The following EIF2AK2 variants were observed in gnomAD, a reference collection of about 807,000 sequenced individuals.
EIF2AK2 encodes the protein interferon-induced, double-stranded RNA-activated protein kinase.
In EIF2AK2, 40 loss-of-function variants were observed where a neutral mutation model predicts 70.5. The observed-to-expected ratio is 0.57, with a 90% CI of 0.44 to 0.74. EIF2AK2 has a LOEUF of 0.74. EIF2AK2 is among the 30% of genes least tolerant of loss of function. The pLI is 0.00. For missense variants in EIF2AK2, 555 were observed against 644.3 expected (o/e 0.86, Z 1.50); for synonymous variants, 198 against 220.9 (o/e 0.90, Z 0.92).
At chr2:37,135,348 A>G (rs1675089905) in intron 10 of EIF2AK2, 136 bp downstream of exon 10, 1 of 699,396 alleles carries the variant, frequency 1.4e-6, no homozygotes, top group Admixed American at 2.5e-5. Context: ...GCCTAAGACT[A>G]TTGTTCTTAC....
chr2:37,119,265 A>G (rs1309787434), intron 13 of EIF2AK2, among the ~76,000 whole-genome samples: 1 of 152,156 alleles, frequency 6.6e-6, no homozygotes, highest in East Asian at 1.9e-4. Flanking sequence ...GATTACCGCA[A>G]TTTTCCAATC....
chr2:37,141,450 A>G, intron 5 of EIF2AK2, 103 bp downstream of exon 5: 1 of 1,378,992 alleles, frequency 7.3e-7, no homozygotes, highest in Non-Finnish European at 1.0e-6. Context: ...TGCATACAGA[A>G]TGCTTAAAAG....
rs2148658191 is a variant in EIF2AK2, at chr2:37,102,232, C to T, written c.*5041G>A. ...TCTGGCCTGGGTGACAGAGTGAGAT[C>T]CTGTCTCTTAAAAAAAAAATTACAA... On this transcript the variant is annotated 3_prime_UTR_variant, in exon 17 of 17. Transcript: ENST00000233057. 6.6e-6 allele frequency: 1 copy of T among 151,856 alleles called. No homozygotes were observed. The highest frequency in any genetic ancestry group is 2.1e-4 in the South Asian group (1 of 4,814). 9.4% of individuals were successfully genotyped at this position (151,856 alleles called of 1,614,324 possible).
At chr2:37,141,889 G>A (rs993238348) in intron 4 of EIF2AK2, among the ~76,000 whole-genome samples, 188 bp from the exon 5 acceptor site, 95 of 152,074 alleles carry the variant, frequency 6.2e-4, no homozygotes, top group African/African-American at 2.1e-3. Flanking sequence ...AAAAATCGAC[G>A]AAGATAGATT....
At chr2:37,142,020 G>C (rs78918400) in intron 4 of EIF2AK2, among the ~76,000 whole-genome samples, 1 of 152,280 alleles carries the variant, frequency 6.6e-6, no homozygotes, top group African/African-American at 2.4e-5. Flanking sequence ...CAGTAAAGCT[G>C]TATACTGGAT....
intron 12 of EIF2AK2, among the ~76,000 whole-genome samples, chr2:37,122,222 C>G (rs1307833302): frequency 6.6e-6 from 1 of 152,202 alleles, no homozygotes; most frequent in Non-Finnish European, 1.5e-5. Flanking sequence ...GGCACGTGAA[C>G]AAGGCTCTCC....
intron 7 of EIF2AK2, 51 bp from the exon 8 acceptor site, chr2:37,138,414 T>C (rs1168649352): frequency 6.3e-7 from 1 of 1,599,638 alleles, no homozygotes; most frequent in Non-Finnish European, 8.5e-7. Context: ...TTTTATCACT[T>C]ATTTCTTTCC....
At chr2:37,150,081 T>C (rs1675689852) in intron 1 of EIF2AK2, among the ~76,000 whole-genome samples, 1 of 149,448 alleles carries the variant, frequency 6.7e-6, no homozygotes, top group Non-Finnish European at 1.5e-5. Context: ...GGCAAACTTA[T>C]CAACACAAAT....
intron 12 of EIF2AK2, 131 bp downstream of exon 12, chr2:37,122,375 A>G (rs1442223824): frequency 9.8e-7 from 1 of 1,020,222 alleles, no homozygotes; most frequent in East Asian, 2.6e-5. Context: ...GAATGGAGAG[A>G]TAACAGTGTC....
intron 12 of EIF2AK2, 35 bp downstream of exon 12, chr2:37,122,471 T>C: frequency 6.2e-7 from 1 of 1,603,658 alleles, no homozygotes; most frequent in Non-Finnish European, 8.5e-7. Flanking sequence ...TTTCCTTCCA[T>C]CCTATTATGG....
rs1408090721 is a variant in EIF2AK2, at chr2:37,149,041, A to T, written c.-183-18T>A. ...TCCAGAAACTGGTAAAAGAGAAAAA[A>T]GAAGGCTTAAAAAAATGCAACCGCT... On this transcript the variant is annotated intron_variant, in intron 1 of 16. Transcript: ENST00000233057. The T allele has an allele frequency of 1.0e-6, 1 of 985,828 alleles. No homozygotes were observed. The highest frequency in any genetic ancestry group is 1.6e-5 in the African/African-American group (1 of 63,242). 61.1% of individuals were successfully genotyped at this position (985,828 alleles called of 1,614,324 possible). A position where few individuals can be genotyped will look rare whatever the true frequency, so the allele number is the denominator to read the frequency against.
At chr2:37,130,193 C>G (rs1674891008) in intron 10 of EIF2AK2, among the ~76,000 whole-genome samples, 1 of 152,098 alleles carries the variant, frequency 6.6e-6, no homozygotes, top group Admixed American at 6.6e-5. Flanking sequence ...CTCCTGCCTC[C>G]CAGATTCAAG....
At chr2:37,117,484 C>G (rs915330523) in intron 13 of EIF2AK2, among the ~76,000 whole-genome samples, 1 of 152,058 alleles carries the variant, frequency 6.6e-6, no homozygotes, top group African/African-American at 2.4e-5. Flanking sequence ...CTGCAGTGAG[C>G]TGAGATCATA....
intron 11 of EIF2AK2, among the ~76,000 whole-genome samples, chr2:37,125,503 T>C (rs1674698314): frequency 1.3e-5 from 2 of 152,220 alleles, no homozygotes; most frequent in Admixed American, 1.3e-4. Context: ...TTTGGATGAC[T>C]TGTTCTGGGG....
In EIF2AK2 at chr2:37,148,699, T is replaced by C. The variant is rs915633149; in HGVS notation, c.-17+158A>G. ...TTTCTAGGAACAATACAATTTGCTT[T>C]CATCACATAAAAATTTATATTGACA... On this transcript the variant is annotated intron_variant, in intron 2 of 16. Transcript: ENST00000233057. The C allele has an allele frequency of 6.1e-6, 5 of 817,484 alleles. No homozygotes were observed. The African/African-American group carries it at 6.7e-5, about 11-fold the overall frequency. 50.6% of individuals were successfully genotyped at this position (817,484 alleles called of 1,614,324 possible). A position where few individuals can be genotyped will look rare whatever the true frequency, so the allele number is the denominator to read the frequency against.
At position 37,126,222 on chromosome 2, in the gene EIF2AK2, A is replaced by G. The variant is rs977925679; in HGVS notation, c.908+67T>C. Reference sequence around the variant, plus strand: ...ATACCCTAATAAAGAAGAGAGAAGCATAAAAAAGAATAGTGCAGATTCAGC... The same window carrying G: ...ATACCCTAATAAAGAAGAGAGAAGCGTAAAAAAGAATAGTGCAGATTCAGC... On this transcript the variant is annotated intron_variant, in intron 11 of 16. Coordinates refer to ENST00000233057, the MANE Select transcript of EIF2AK2 (RefSeq NM_001135651.3). 5 of 1,484,298 alleles carry G rather than the reference A, an allele frequency of 3.4e-6. No individual in the cohort carries two copies. The South Asian group carries it at 5.8e-5, about 17-fold the overall frequency. The allele number at this position is 1,484,298 out of a possible 1,614,324, so 91.9% of individuals were successfully genotyped here.
chr2:37,138,389 G>C (rs746360910), intron 7 of EIF2AK2, 26 bp from the exon 8 acceptor site: 31 of 1,605,320 alleles, frequency 1.9e-5, no homozygotes, highest in African/African-American at 4.0e-5. Flanking sequence ...GTAACTATTA[G>C]TTTATTAATT....
intron 6 of EIF2AK2, 22 bp from the exon 7 acceptor site, chr2:37,138,607 A>G (rs1455772973): frequency 6.2e-7 from 1 of 1,609,142 alleles, no homozygotes; most frequent in South Asian, 1.1e-5. Context: ...AGTATCCCTT[A>G]GTAGGCTTAA....
intron 14 of EIF2AK2, among the ~76,000 whole-genome samples, chr2:37,111,533 T>C (rs1674146813): frequency 6.6e-6 from 1 of 151,228 alleles, no homozygotes; most frequent in Non-Finnish European, 1.5e-5. Context: ...CAAAATGCAA[T>C]ACAGATTCTG....
Sources: allele counts gnomAD v4.1 joint callset (sites outside exome capture counted in the v4.1 genomes callset), GRCh38; gene constraint gnomAD v4.1.1; transcripts MANE v1.5; gene names NCBI Gene and HGNC (gene_info 2026-07-23, HGNC 2026-07-21).